The following CDH13 variants were observed in gnomAD, a reference collection of about 807,000 sequenced individuals.
The protein encoded by CDH13 is cadherin-13.
A neutral mutation model predicts 63.8 loss-of-function variants in CDH13; 24 were observed. The observed-to-expected ratio is 0.38, with a 90% confidence interval of 0.27 to 0.53. The LOEUF (loss-of-function observed/expected upper bound fraction) is 0.53. CDH13 is among the 20% of genes least tolerant of loss of function. CDH13 has a pLI of 0.85. For missense variants in CDH13, 1,049 were observed against 903.1 expected, an observed-to-expected ratio of 1.16 and a Z score of -2.07; for synonymous variants, 503 against 355.3, an observed-to-expected ratio of 1.42 and a Z score of -4.67.
At chr16:82,757,785 G>T (rs1367772823) in intron 1 of CDH13, among the ~76,000 whole-genome samples, 2 of 152,008 alleles carry the variant, frequency 1.3e-5, no homozygotes, top group Non-Finnish European at 2.9e-5. Flanking sequence ...GGGACTATAG[G>T]CGTGTGCCAC....
At chr16:83,183,336 G>A (rs1172001105) in intron 4 of CDH13, among the ~76,000 whole-genome samples, 2 of 152,186 alleles carry the variant, frequency 1.3e-5, no homozygotes, top group Admixed American at 1.3e-4. Context: ...TCTAGATAAA[G>A]TTTCAAAATG....
chr16:83,340,183 A>T (rs1179281863), intron 5 of CDH13, among the ~76,000 whole-genome samples: 4 of 152,242 alleles, frequency 2.6e-5, no homozygotes, highest in Non-Finnish European at 5.9e-5. Flanking sequence ...TTAAGCATTC[A>T]GCATGCACAG....
In CDH13 at chr16:83,015,677, G is replaced by GTATATATATATATATATA. The variant is rs71148803; in HGVS notation, c.158-16304_158-16287dup. ...CATATATGTGTGTGTGTGTGTGTAT[G>GTATATATATATATATATA]TATATATATATATATATATATATAT... On this transcript the variant is annotated intron_variant, in intron 2 of 13. Coordinates refer to ENST00000567109, the MANE Select transcript of CDH13 (RefSeq NM_001257.5). Among the ~76,000 whole-genome samples, 21 of 37,562 alleles carry GTATATATATATATATATA rather than the reference G, an allele frequency of 5.6e-4. 1 individual carries two copies. The highest frequency in any genetic ancestry group is 6.8e-4 in the Non-Finnish European group (14 of 20,608). 24.6% of individuals were successfully genotyped at this position (37,562 alleles called of 152,430 possible).
At position 82,687,793 on chromosome 16, in the gene CDH13, G is replaced by T. The variant is rs571518479; in HGVS notation, c.45+60656G>T. On this transcript the variant is annotated intron_variant, in intron 1 of 13. Coordinates refer to ENST00000567109, the MANE Select transcript of CDH13 (RefSeq NM_001257.5). ...ATTCTGATCTCATTCTATCAAAGTT[G>T]GTAGATCCTAACATGGTGACCCAGC... Among the ~76,000 whole-genome samples, 13 of 152,182 alleles carry T rather than the reference G, an allele frequency of 8.5e-5. No individual in the cohort carries two copies. The South Asian group carries it at 2.3e-3, about 27-fold the overall frequency.
chr16:83,685,177 G>T (rs1159902241), intron 10 of CDH13, among the ~76,000 whole-genome samples: 1 of 152,134 alleles, frequency 6.6e-6, no homozygotes, highest in Admixed American at 6.6e-5. Flanking sequence ...TGGTCACAGG[G>T]CCATACCTAG....
At chr16:83,481,737 G>A (rs1453134192) in intron 6 of CDH13, among the ~76,000 whole-genome samples, 1 of 152,100 alleles carries the variant, frequency 6.6e-6, no homozygotes, top group South Asian at 2.1e-4. Flanking sequence ...GGAGTGACAG[G>A]GTGATTATAA....
At chr16:83,629,248 G>A (rs560418074) in intron 8 of CDH13, among the ~76,000 whole-genome samples, 12 of 152,176 alleles carry the variant, frequency 7.9e-5, no homozygotes, top group African/African-American at 2.7e-4. Flanking sequence ...AAGAAGTTTT[G>A]CTGGCTTCTG....
chr16:83,546,151 C>G (rs890785786), intron 7 of CDH13, among the ~76,000 whole-genome samples: 2 of 152,100 alleles, frequency 1.3e-5, no homozygotes, highest in South Asian at 4.1e-4. Context: ...GAGGTTTGGG[C>G]TAAAACCTGC....
intron 5 of CDH13, among the ~76,000 whole-genome samples, chr16:83,233,488 T>C (rs780440039): frequency 2.6e-5 from 4 of 152,206 alleles, no homozygotes; most frequent in Non-Finnish European, 5.9e-5. Flanking sequence ...CTTACAGTTG[T>C]TTAGGTCAGA....
At chr16:83,063,728 G>T (rs1399746728) in intron 3 of CDH13, among the ~76,000 whole-genome samples, 1 of 152,152 alleles carries the variant, frequency 6.6e-6, no homozygotes, top group African/African-American at 2.4e-5. Context: ...AGTTTTGGAG[G>T]CCAAAAGTTC....
At chr16:83,762,022 A>G (rs1192632258) in intron 11 of CDH13, among the ~76,000 whole-genome samples, 1 of 152,196 alleles carries the variant, frequency 6.6e-6, no homozygotes, top group African/African-American at 2.4e-5. Context: ...AGCTAACGCC[A>G]CTGCACTCCA....
chr16:82,889,823 C>T (rs564819183), intron 2 of CDH13, among the ~76,000 whole-genome samples: 18 of 152,268 alleles, frequency 1.2e-4, no homozygotes, highest in African/African-American at 3.6e-4. Context: ...AACTAAAATA[C>T]GTAAGTCTAA....
At chr16:82,926,796 T>A (rs1304292288) in intron 2 of CDH13, among the ~76,000 whole-genome samples, 2 of 152,230 alleles carry the variant, frequency 1.3e-5, no homozygotes, top group African/African-American at 4.8e-5. Context: ...GCCATGTTCA[T>A]CCAGGGGTAT....
intron 2 of CDH13, among the ~76,000 whole-genome samples, chr16:82,904,185 C>G (rs1331184301): frequency 1.3e-5 from 2 of 152,096 alleles, no homozygotes; most frequent in African/African-American, 4.8e-5. Flanking sequence ...AATACAAACA[C>G]CTAAATATAA....
chr16:82,892,215 G>T (rs909748448), intron 2 of CDH13, among the ~76,000 whole-genome samples: 10 of 152,274 alleles, frequency 6.6e-5, no homozygotes, highest in African/African-American at 2.4e-4. Flanking sequence ...AGGATTAAAT[G>T]AGTTAACACA....
At chr16:83,157,974 T>C (rs2037283142) in intron 4 of CDH13, among the ~76,000 whole-genome samples, 1 of 151,954 alleles carries the variant, frequency 6.6e-6, no homozygotes, top group Admixed American at 6.6e-5. Flanking sequence ...CCTCAGATTG[T>C]TCTAGAAAAG....
chr16:83,784,401 G>A (rs1467488938), intron 13 of CDH13, among the ~76,000 whole-genome samples: 1 of 152,170 alleles, frequency 6.6e-6, no homozygotes, highest in Non-Finnish European at 1.5e-5. Context: ...GGAGGTCGAG[G>A]TGGGTGGATC....
chr16:83,256,233 A>C (rs375125327), intron 5 of CDH13, among the ~76,000 whole-genome samples: 1 of 152,034 alleles, frequency 6.6e-6, no homozygotes, highest in Non-Finnish European at 1.5e-5. Flanking sequence ...GGATTTTGCC[A>C]TGTTGCCCAG....
intron 4 of CDH13, among the ~76,000 whole-genome samples, chr16:83,215,836 G>A (rs1209369756): frequency 6.6e-6 from 1 of 152,134 alleles, no homozygotes; most frequent in Non-Finnish European, 1.5e-5. Context: ...TTGTGTTCAT[G>A]ACCTTTCAAT....
Sources: allele counts gnomAD v4.1 joint callset (sites outside exome capture counted in the v4.1 genomes callset), GRCh38; gene constraint gnomAD v4.1.1; transcripts MANE v1.5; gene names NCBI Gene and HGNC (gene_info 2026-07-23, HGNC 2026-07-21).